TARS2: variants seen among roughly 807,000 people sequenced by gnomAD.
TARS2 encodes the protein threonyl-tRNA synthetase 2, mitochondrial.
Under a neutral mutation model 94.4 loss-of-function variants are expected in TARS2, and 61 were observed. That is an observed-to-expected ratio of 0.65 (90% CI 0.53 to 0.80). The LOEUF (loss-of-function observed/expected upper bound fraction) is 0.80. Ranked by LOEUF, TARS2 falls within the 30% of genes least tolerant of loss-of-function variation. The pLI, the probability that TARS2 is intolerant of heterozygous loss-of-function variation, is 0.00. For synonymous variants in TARS2, 359 were observed against 353.4 expected (o/e 1.02, Z -0.18); for missense variants, 704 against 902.5 (o/e 0.78, Z 2.82).
At position 150,492,398 on chromosome 1, in the gene TARS2, T is replaced by A. The variant is rs1221405000; in HGVS notation, c.696-13T>A. The stretch of plus-strand genomic sequence containing the variant: ...ATTCTGAAAATCACTAACTGGCCTC[T>A]TCTTTCTCCTAGGTGTGGCACATTG... On this transcript the variant is annotated splice_polypyrimidine_tract_variant and intron_variant, in intron 6 of 17. Coordinates refer to ENST00000369064, the MANE Select transcript of TARS2 (RefSeq NM_025150.5). The A allele has an allele frequency of 6.2e-7, 1 of 1,613,732 alleles. No individual in the cohort carries two copies. Among genetic ancestry groups the A allele is most frequent in the African/African-American group, 1.3e-5 (1 of 74,908 alleles).
rs1181159894 is a variant in TARS2, at chr1:150,505,620, G to C, written c.1923G>C (p.Leu641=). 10 of 1,614,034 alleles carry C rather than the reference G, an allele frequency of 6.2e-6. No individual in the cohort carries two copies. The highest frequency in any genetic ancestry group is 2.7e-5 in the African/African-American group (2 of 74,922). Reference sequence around the variant, plus strand: ...AGCAGAGCCTGCGGGCTGCAGGACTGGTCAGTGACCTGGATGCAGACTCTG... The same window carrying C: ...AGCAGAGCCTGCGGGCTGCAGGACTCGTCAGTGACCTGGATGCAGACTCTG... The part of the protein sequence containing the change: ...EAQQSLRAAG[L]VSDLDADSGL... The change falls in exon 17 of 18, where the codon CTG becomes CTC. Residue 641 remains leucine, a synonymous_variant. Transcript: ENST00000369064.
intron 2 of TARS2, 130 bp downstream of exon 2, chr1:150,488,184 A>T: frequency 8.7e-7 from 1 of 1,146,918 alleles, no homozygotes; most frequent in East Asian, 2.6e-5. Context: ...TTTCCTGAAG[A>T]TTTTGTTTTT....
At chr1:150,503,184 T>C (rs867288628) in intron 13 of TARS2, among the ~76,000 whole-genome samples, 2 of 152,070 alleles carry the variant, frequency 1.3e-5, no homozygotes, top group Non-Finnish European at 2.9e-5. Flanking sequence ...TGCATCTGTG[T>C]GGTTTGTGAC....
chr1:150,497,478 C>G, intron 9 of TARS2, 52 bp from the exon 10 acceptor site: 4 of 1,570,936 alleles, frequency 2.5e-6, no homozygotes, highest in Non-Finnish European at 3.5e-6. Context: ...GACACCCTAC[C>G]TGCTTTCCTT....
rs778879320 is a variant in TARS2, at chr1:150,506,972, C to T, written c.2065C>T (p.Arg689Cys). ...RTVNIRTRDNRRLGEWDLPEA... is the reference protein window; with the variant it reads ...RTVNIRTRDNCRLGEWDLPEA... The stretch of plus-strand genomic sequence containing the variant: ...AGTGAACATTCGGACTCGAGATAAT[C>T]GTCGCCTTGGGGAGTGGGACTTGCC... Residue 689 changes from arginine (R) to cysteine (C), a missense_variant, in exon 18 of 18, where the codon CGT (arginine) becomes TGT (cysteine). Arg to Cys is a radical substitution (Grantham distance 180). Coordinates refer to ENST00000369064, the MANE Select transcript of TARS2 (RefSeq NM_025150.5). 1.6e-5 allele frequency: 26 copies of T among 1,614,058 alleles called. No homozygotes were observed. The highest frequency in any genetic ancestry group is 1.1e-4 in the African/African-American group (8 of 74,918).
intron 2 of TARS2, 30 bp from the exon 3 acceptor site, chr1:150,488,934 T>G: frequency 1.2e-6 from 2 of 1,605,364 alleles, no homozygotes; most frequent in Non-Finnish European, 8.5e-7. Flanking sequence ...ACCCTGTCTT[T>G]TTCTTCATCC....
At chr1:150,492,654 A>G (rs1264681787) in intron 7 of TARS2, among the ~76,000 whole-genome samples, 165 bp downstream of exon 7, 1 of 151,592 alleles carries the variant, frequency 6.6e-6, no homozygotes, top group African/African-American at 2.4e-5. Flanking sequence ...TACTAAAAAT[A>G]CAAAAATTAG....
intron 7 of TARS2, among the ~76,000 whole-genome samples, chr1:150,496,011 C>T (rs895073127): frequency 2.6e-5 from 4 of 152,184 alleles, no homozygotes; most frequent in Non-Finnish European, 4.4e-5. Flanking sequence ...TGAGCCACCG[C>T]GCCCGGCTCA....
At chr1:150,492,255 C>T (rs587616152) in intron 6 of TARS2, 156 bp from the exon 7 acceptor site, 32 of 724,518 alleles carry the variant, frequency 4.4e-5, no homozygotes, top group Admixed American at 1.1e-4. Context: ...TGAGCCACCG[C>T]GCCCTGCCAG....
chr1:150,487,978 A>G lies in TARS2; in HGVS notation c.187A>G (p.Ile63Val). ...MAQKEPRTIK[I>V]SLPGGQKIDA... ...ACAGAAGGAACCCCGGACTATTAAGATATCACTTCCTGGAGGCCAGAAAAT... is the reference window on the plus strand; with the variant it reads ...ACAGAAGGAACCCCGGACTATTAAGGTATCACTTCCTGGAGGCCAGAAAAT... The change falls in exon 2 of 18, where the codon ATA becomes GTA. Residue 63 changes from isoleucine to valine, a missense_variant. By Grantham distance (29) the Ile-to-Val change is conservative. Coordinates refer to ENST00000369064, the MANE Select transcript of TARS2 (RefSeq NM_025150.5). 6.2e-7 allele frequency: 1 copy of G among 1,614,088 alleles called. No individual in the cohort carries two copies. The highest frequency in any genetic ancestry group is 8.5e-7 in the Non-Finnish European group (1 of 1,180,032).
In TARS2 at chr1:150,504,567, G is replaced by T; in HGVS notation, c.1719-65G>T. 3 of 1,588,208 alleles carry T rather than the reference G, an allele frequency of 1.9e-6. No individual in the cohort carries two copies. In the South Asian group the frequency reaches 3.3e-5, roughly 18 times the overall value. On this transcript the variant is annotated intron_variant, in intron 14 of 17. Coordinates refer to ENST00000369064, the MANE Select transcript of TARS2 (RefSeq NM_025150.5). Reference sequence around the variant, plus strand: ...GAATATTTCTTAAAAACTGGAAGGTGATCTTGGGTACACAATTCGTGATAC... The same window carrying T: ...GAATATTTCTTAAAAACTGGAAGGTTATCTTGGGTACACAATTCGTGATAC...
rs1406269613 is a variant in TARS2, at chr1:150,498,852, C to G, written c.1402-45C>G. ...TCCTCAAACTGCCAGCATCCCTGAT[C>G]TCTAGCGGGCTCACAGCTCACTGAC... On this transcript the variant is annotated intron_variant, in intron 11 of 17. Transcript: ENST00000369064. 13 of 1,613,148 alleles carry G rather than the reference C, an allele frequency of 8.1e-6. No individual in the cohort carries two copies. The East Asian group carries it at 2.7e-4, about 33-fold the overall frequency.
At chr1:150,497,470 C>G in intron 9 of TARS2, 60 bp from the exon 10 acceptor site, 4 of 1,530,524 alleles carry the variant, frequency 2.6e-6, no homozygotes, top group South Asian at 1.1e-5. Flanking sequence ...ACACAGCTGA[C>G]ACCCTACCTG....
At chr1:150,498,149 C>G (rs1250159350) in intron 10 of TARS2, among the ~76,000 whole-genome samples, 1 of 151,798 alleles carries the variant, frequency 6.6e-6, no homozygotes, top group Non-Finnish European at 1.5e-5. Flanking sequence ...CCGATTTGAG[C>G]CTACAGTCTT....
At chr1:150,506,201 C>T (rs1670192738) in intron 17 of TARS2, among the ~76,000 whole-genome samples, 1 of 152,062 alleles carries the variant, frequency 6.6e-6, no homozygotes, top group African/African-American at 2.4e-5. Context: ...TTGCACACCC[C>T]ACTCTCCCTA....
intron 15 of TARS2, 35 bp from the exon 16 acceptor site, chr1:150,504,871 G>A (rs1032538059): frequency 6.2e-7 from 1 of 1,613,384 alleles, no homozygotes; most frequent in Non-Finnish European, 8.5e-7. Flanking sequence ...GAGCCAGAGT[G>A]ACTAATTTGC....
At chr1:150,499,423 G>A in intron 13 of TARS2, 130 bp downstream of exon 13, 2 of 840,918 alleles carry the variant, frequency 2.4e-6, no homozygotes, top group Non-Finnish European at 3.7e-6. Flanking sequence ...AAATGCAGTG[G>A]TGTGATCTCA....
At chr1:150,492,346 T>G in intron 6 of TARS2, 65 bp from the exon 7 acceptor site, 2 of 1,507,718 alleles carry the variant, frequency 1.3e-6, no homozygotes, top group Non-Finnish European at 1.8e-6. Context: ...CTAAAGACCA[T>G]GAGAGGGAGA....
Position 150,491,457 on chromosome 1 carries a change from T to A in TARS2, c.576T>A (p.Ala192=). The change falls in exon 5 of 18, where the codon GCT becomes GCA. Residue 192 remains alanine, a synonymous_variant. Transcript: ENST00000369064. ...TTTGCCAGGAACTTACAGCTGCTGCTCGACCCTTCCGGAGGCTAGAGGCTT... is the reference window on the plus strand; with the variant it reads ...TTTGCCAGGAACTTACAGCTGCTGCACGACCCTTCCGGAGGCTAGAGGCTT... The part of the protein sequence containing the change: ...ERICQELTAA[A]RPFRRLEASR... 2 of 1,614,100 alleles carry A rather than the reference T, an allele frequency of 1.2e-6. No individual in the cohort carries two copies. The highest frequency in any genetic ancestry group is 1.7e-6 in the Non-Finnish European group (2 of 1,180,032).
Sources: allele counts gnomAD v4.1 joint callset (sites outside exome capture counted in the v4.1 genomes callset), GRCh38; gene constraint gnomAD v4.1.1; transcripts MANE v1.5; gene names NCBI Gene and HGNC (gene_info 2026-07-23, HGNC 2026-07-21).